The following ATG10 variants were observed in gnomAD, a reference collection of about 807,000 sequenced individuals.
ATG10 encodes autophagy related 10.
A neutral mutation model predicts 32.1 loss-of-function variants in ATG10; 30 were observed. That is an observed-to-expected ratio of 0.94 (90% CI 0.70 to 1.27). ATG10 has a LOEUF of 1.27. Among genes scored for constraint, ATG10 ranks in the 50% most tolerant of loss-of-function variants. The pLI, the probability that ATG10 is intolerant of heterozygous loss-of-function variation, is 0.00. For missense variants in ATG10, 233 were observed against 262.3 expected (o/e 0.89, Z 0.77); for synonymous variants, 87 against 91.5 (o/e 0.95, Z 0.28).
Position 82,161,033 on chromosome 5 carries a change from A to G in ATG10, c.217-3366A>G, listed in dbSNP as rs182371081. The stretch of plus-strand genomic sequence containing the variant: ...AAGAACCTTAGTCTTGAAGTTCTAA[A>G]ACCATCTGGCACTTTTAACTGGAAA... On this transcript the variant is annotated intron_variant, in intron 3 of 7. Transcript: ENST00000282185. Among the ~76,000 whole-genome samples, 15 of 152,314 alleles carry G rather than the reference A, an allele frequency of 9.8e-5. No individual in the cohort carries two copies. The East Asian group carries it at 1.9e-3, about 20-fold the overall frequency.
intron 3 of ATG10, among the ~76,000 whole-genome samples, chr5:82,133,562 G>T (rs1005102036): frequency 1.3e-5 from 2 of 152,008 alleles, no homozygotes; most frequent in Non-Finnish European, 2.9e-5. Context: ...TGAGGCCTCT[G>T]TTCTGTTCCA....
At chr5:81,996,442 G>A (rs1184585464) in intron 2 of ATG10, among the ~76,000 whole-genome samples, 1 of 152,120 alleles carries the variant, frequency 6.6e-6, no homozygotes, top group Non-Finnish European at 1.5e-5. Flanking sequence ...GTCACACTAT[G>A]TTGCCCAGGC....
intron 5 of ATG10, among the ~76,000 whole-genome samples, chr5:82,227,505 A>G (rs1249325242): frequency 3.3e-5 from 5 of 151,860 alleles, no homozygotes; most frequent in African/African-American, 1.2e-4. Flanking sequence ...CTCCCATGTA[A>G]CTGGGACTAC....
chr5:82,163,412 A>G lies in ATG10; in HGVS notation c.217-987A>G, dbSNP rs534759054. Among the ~76,000 whole-genome samples, 26 of 152,312 alleles carry G rather than the reference A, an allele frequency of 1.7e-4. No individual in the cohort carries two copies. In the South Asian group the frequency reaches 5.0e-3, roughly 29 times the overall value. The stretch of plus-strand genomic sequence containing the variant: ...ATCTGTAAAGGAGATACAGATCTTG[A>G]AAGTAGTCTGGGGCTTTGCTTATCT... On this transcript the variant is annotated intron_variant, in intron 3 of 7. Transcript: ENST00000282185.
intron 2 of ATG10, among the ~76,000 whole-genome samples, chr5:82,051,850 G>C (rs758464555): frequency 6.6e-6 from 1 of 152,132 alleles, no homozygotes; most frequent in African/African-American, 2.4e-5. Flanking sequence ...TTTAATGTCC[G>C]ACCTACCTAG....
chr5:82,014,547 CTCT>C (rs1424940373), intron 2 of ATG10, among the ~76,000 whole-genome samples: 1 of 152,154 alleles, frequency 6.6e-6, no homozygotes, highest in African/African-American at 2.4e-5. Context: ...GGATAGATAG[CTCT>C]TCTTGTTGAA....
intron 3 of ATG10, among the ~76,000 whole-genome samples, chr5:82,090,770 G>A (rs769154591): frequency 1.1e-4 from 17 of 152,064 alleles, no homozygotes; most frequent in Non-Finnish European, 2.2e-4. Context: ...GTTGCCATTG[G>A]GAGAAATTGA....
chr5:82,020,016 C>T (rs776591614), intron 2 of ATG10, among the ~76,000 whole-genome samples: 2 of 152,190 alleles, frequency 1.3e-5, no homozygotes, highest in Non-Finnish European at 2.9e-5. Context: ...CCTGCAGGCG[C>T]CTCTGAAGCG....
intron 2 of ATG10, among the ~76,000 whole-genome samples, chr5:82,025,331 T>C (rs1485964303): frequency 6.6e-6 from 1 of 152,230 alleles, no homozygotes; most frequent in East Asian, 1.9e-4. Context: ...CAGATATTGC[T>C]TCTGTTAAGG....
At chr5:82,205,021 C>T (rs1745236806) in intron 5 of ATG10, among the ~76,000 whole-genome samples, 1 of 152,150 alleles carries the variant, frequency 6.6e-6, no homozygotes, top group Admixed American at 6.5e-5. Flanking sequence ...AGAAGACTGC[C>T]TGTGAAAGGT....
intron 2 of ATG10, among the ~76,000 whole-genome samples, chr5:82,054,070 T>C (rs1763510729): frequency 6.6e-6 from 1 of 152,146 alleles, no homozygotes; most frequent in Non-Finnish European, 1.5e-5. Context: ...CTCTGTTCAT[T>C]GAGTTCAAAA....
intron 5 of ATG10, among the ~76,000 whole-genome samples, chr5:82,251,319 T>C (rs1394573015): frequency 6.6e-6 from 1 of 152,120 alleles, no homozygotes; most frequent in African/African-American, 2.4e-5. Flanking sequence ...TCCCCTTGGG[T>C]TGGCTGAGAG....
At chr5:81,973,503 G>A (rs1182325009) in intron 1 of ATG10, among the ~76,000 whole-genome samples, 1 of 152,178 alleles carries the variant, frequency 6.6e-6, no homozygotes, top group East Asian at 1.9e-4. Flanking sequence ...TTCCTGAAAT[G>A]CTTTTGAGCA....
chr5:81,981,022 A>G (rs1761031831), intron 1 of ATG10, among the ~76,000 whole-genome samples: 1 of 152,146 alleles, frequency 6.6e-6, no homozygotes, highest in African/African-American at 2.4e-5. Flanking sequence ...GATTTGGAAT[A>G]TGTATTCCAA....
At chr5:82,008,264 T>G (rs1395923894) in intron 2 of ATG10, among the ~76,000 whole-genome samples, 1 of 152,184 alleles carries the variant, frequency 6.6e-6, no homozygotes, top group Non-Finnish European at 1.5e-5. Context: ...TATATTGCAT[T>G]CATATAATCT....
intron 3 of ATG10, among the ~76,000 whole-genome samples, chr5:82,160,549 A>G (rs1384291945): frequency 6.6e-6 from 1 of 152,134 alleles, no homozygotes; most frequent in Non-Finnish European, 1.5e-5. Flanking sequence ...TGGTAATTAT[A>G]TGTTTACTTC....
intron 5 of ATG10, among the ~76,000 whole-genome samples, chr5:82,202,681 T>A (rs758718044): frequency 6.6e-6 from 1 of 152,224 alleles, no homozygotes; most frequent in Non-Finnish European, 1.5e-5. Flanking sequence ...AGCTTCCAGA[T>A]CTGCTGTTCC....
chr5:82,038,228 C>T (rs776088508), intron 2 of ATG10, among the ~76,000 whole-genome samples: 9 of 152,208 alleles, frequency 5.9e-5, no homozygotes, highest in Non-Finnish European at 1.2e-4. Context: ...TGAGTCCCTA[C>T]TGGTGCCTGG....
intron 5 of ATG10, among the ~76,000 whole-genome samples, chr5:82,221,020 G>A (rs1745904783): frequency 6.6e-6 from 1 of 152,310 alleles, no homozygotes; most frequent in African/African-American, 2.4e-5. Context: ...GCTTCCCAAA[G>A]TGCTGGGATG....
Sources: gnomAD v4.1 joint callset for allele counts (sites outside exome capture counted in the v4.1 genomes callset) on GRCh38, gnomAD v4.1.1 for gene constraint, MANE v1.5 for transcripts, NCBI Gene and HGNC (gene_info 2026-07-23, HGNC 2026-07-21) for gene names.